The following COMMD8 variants were observed in gnomAD, a reference collection of about 807,000 sequenced individuals.
COMMD8 encodes COMM domain-containing protein 8.
COMMD8 carries 28 observed loss-of-function variants against 27.2 expected under a neutral mutation model. The ratio of observed to expected loss-of-function variants is 1.03; its 90% CI spans 0.76 to 1.41. The LOEUF (loss-of-function observed/expected upper bound fraction) is 1.41. COMMD8 is among the 40% of genes most tolerant of loss of function. The pLI, the probability that COMMD8 is intolerant of heterozygous loss-of-function variation, is 0.00. For missense variants in COMMD8, 217 were observed against 211.2 expected (o/e 1.03, Z -0.17); for synonymous variants, 79 against 75.5 (o/e 1.05, Z -0.24).
intron 2 of COMMD8, among the ~76,000 whole-genome samples, chr4:47,459,254 G>A (rs141686893): frequency 2.0e-5 from 3 of 152,170 alleles, no homozygotes; most frequent in African/African-American, 2.4e-5. Flanking sequence ...TTCTAACAAT[G>A]AGCTTATATC....
intron 1 of COMMD8, among the ~76,000 whole-genome samples, chr4:47,462,613 T>C (rs1021109456): frequency 6.6e-6 from 1 of 152,098 alleles, no homozygotes; most frequent in Non-Finnish European, 1.5e-5. Flanking sequence ...CATCGACATA[T>C]ATGGTAATAA....
intron 3 of COMMD8, among the ~76,000 whole-genome samples, chr4:47,456,262 T>TTATATA (rs1553886649): frequency 5.6e-4 from 45 of 80,850 alleles, no homozygotes; most frequent in African/African-American, 1.7e-3. Context: ...AATAAATAAA[T>TTATATA]TATACATATA....
At chr4:47,462,040 C>A (rs78776476) in intron 1 of COMMD8, among the ~76,000 whole-genome samples, 3,946 of 151,862 alleles carry the variant, frequency 0.026, 174 homozygotes, top group African/African-American at 0.091. Flanking sequence ...TTGGGGGGTG[C>A]CTAGGGGGTG....
Position 47,451,651 on chromosome 4 carries a change from C to T in COMMD8, c.546G>A (p.Leu182=), listed in dbSNP as rs769427357. 6.3e-7 allele frequency: 1 copy of T among 1,586,530 alleles called. No homozygotes were observed. The highest frequency in any genetic ancestry group is 1.1e-5 in the South Asian group (1 of 87,190). Residue 182 remains leucine (L), a synonymous_variant, in exon 5 of 5, where the codon TTG becomes TTA. Transcript: ENST00000381571. ...LEAANKVVLQ[L]K ...TGGTATTCATCATTTCCAGTTATTTCAACTGCAGGACCACCTTAAAACACA... is the reference window on the plus strand; with the variant it reads ...TGGTATTCATCATTTCCAGTTATTTTAACTGCAGGACCACCTTAAAACACA...
intron 2 of COMMD8, among the ~76,000 whole-genome samples, chr4:47,458,634 A>C (rs968872699): frequency 5.3e-5 from 8 of 152,124 alleles, no homozygotes; most frequent in African/African-American, 1.9e-4. Flanking sequence ...ATCTCTATCA[A>C]AATTCCAGCA....
chr4:47,459,749 C>A, intron 2 of COMMD8: 1 of 157,962 alleles, frequency 6.3e-6, no homozygotes, highest in Non-Finnish European at 1.4e-5. Flanking sequence ...TAATACAAAA[C>A]ATGAACACCA....
intron 2 of COMMD8, 175 bp downstream of exon 2, chr4:47,459,969 A>G (rs1418884369): frequency 8.2e-6 from 4 of 484,926 alleles, no homozygotes; most frequent in Non-Finnish European, 1.4e-5. Context: ...AAAGAGTAAA[A>G]ACAACCAAAA....
At chr4:47,461,582 T>C (rs544848271) in intron 1 of COMMD8, among the ~76,000 whole-genome samples, 2 of 152,322 alleles carry the variant, frequency 1.3e-5, no homozygotes, top group East Asian at 3.9e-4. Context: ...AATATGTTTG[T>C]TATTCATTCA....
chr4:47,455,902 T>C (rs1219358078), intron 3 of COMMD8, among the ~76,000 whole-genome samples: 2 of 152,168 alleles, frequency 1.3e-5, no homozygotes, highest in African/African-American at 4.8e-5. Context: ...AGAGGTAGAA[T>C]CACATTTACC....
intron 4 of COMMD8, 88 bp downstream of exon 4, chr4:47,452,971 T>C: frequency 3.3e-6 from 4 of 1,198,306 alleles, no homozygotes; most frequent in Non-Finnish European, 4.7e-6. Context: ...CCCTCCAGCC[T>C]GGGTGACAGA....
At chr4:47,462,517 G>A (rs929876612) in intron 1 of COMMD8, among the ~76,000 whole-genome samples, 3 of 152,134 alleles carry the variant, frequency 2.0e-5, no homozygotes, top group African/African-American at 7.2e-5. Flanking sequence ...TTGGTTTGGG[G>A]TTTTTGGGGT....
chr4:47,453,296 C>G, intron 3 of COMMD8, 82 bp from the exon 4 acceptor site: 3 of 1,165,858 alleles, frequency 2.6e-6, no homozygotes, highest in Non-Finnish European at 3.6e-6. Context: ...GTTAGCAGTA[C>G]ATTTTTTAAA....
intron 2 of COMMD8, among the ~76,000 whole-genome samples, chr4:47,459,552 C>G (rs139827714): frequency 0.012 from 1,782 of 152,146 alleles, 12 homozygotes; most frequent in Non-Finnish European, 0.018. Flanking sequence ...CTATTTAATT[C>G]CTATCATCAA....
chr4:47,454,038 C>G (rs1729824754), intron 3 of COMMD8, among the ~76,000 whole-genome samples: 1 of 152,192 alleles, frequency 6.6e-6, no homozygotes, highest in African/African-American at 2.4e-5. Flanking sequence ...CACCCAAAAA[C>G]AGGACCCATA....
chr4:47,462,092 A>G (rs1016408310), intron 1 of COMMD8, among the ~76,000 whole-genome samples: 3 of 152,148 alleles, frequency 2.0e-5, no homozygotes, highest in African/African-American at 7.2e-5. Context: ...CCAAATCAAA[A>G]AGGGCCTTGT....
In COMMD8 at chr4:47,456,717, A is replaced by T; in HGVS notation, c.235T>A (p.Leu79Met). The T allele has an allele frequency of 6.3e-7, 1 of 1,578,514 alleles. No individual in the cohort carries two copies. The highest frequency in any genetic ancestry group is 8.6e-7 in the Non-Finnish European group (1 of 1,167,274). ...NLPDEEIFQQLNQLNSLHQET... is the reference protein window; with the variant it reads ...NLPDEEIFQQMNQLNSLHQET... ...TGATGAAGTGAATTCAACTGATTCAACTGCTGAAATATCTATAAAAATAAA... is the reference window on the plus strand; with the variant it reads ...TGATGAAGTGAATTCAACTGATTCATCTGCTGAAATATCTATAAAAATAAA... The change falls in exon 3 of 5, where the codon TTG (leucine) becomes ATG (methionine). Residue 79 changes from leucine (L) to methionine (M), a missense_variant. Leu to Met is a conservative substitution (Grantham distance 15). Coordinates refer to ENST00000381571, the MANE Select transcript of COMMD8 (RefSeq NM_017845.5).
At position 47,451,585 on chromosome 4, in the gene COMMD8, CA is replaced by C. The variant is rs1729753199; in HGVS notation, c.*59del. ...ACAAGGTTTCTGAACACGCAGTATT[CA>C]CTCTGCCATATAAGTTGGAGCAATA... is the stretch of plus-strand genomic sequence containing the variant. On this transcript the variant is annotated 3_prime_UTR_variant, in exon 5 of 5. Transcript: ENST00000381571. 1 of 1,332,258 alleles carries C rather than the reference CA, an allele frequency of 7.5e-7. No homozygotes were observed. Among genetic ancestry groups the C allele is most frequent in the Admixed American group, 1.7e-5 (1 of 57,228 alleles). 82.5% of individuals were successfully genotyped at this position (1,332,258 alleles called of 1,614,324 possible).
At chr4:47,451,825 G>A (rs781757179) in intron 4 of COMMD8, among the ~76,000 whole-genome samples, 160 bp from the exon 5 acceptor site, 1 of 152,158 alleles carries the variant, frequency 6.6e-6, no homozygotes, top group Non-Finnish European at 1.5e-5. Context: ...TGGAATCTAC[G>A]GTTCAGAATC....
chr4:47,460,220 T>G lies in COMMD8; in HGVS notation c.146A>C (p.Glu49Ala). ...YQDYHTVWES[E>A]EWMHVLEDIA... ...ATCTTCTAAAACGTGCATCCATTCT[T>G]CTGATTCCCAAACAGTGTGATAATC... Residue 49 changes from glutamate (E) to alanine (A), a missense_variant, in exon 2 of 5, where the codon GAA becomes GCA. Transcript: ENST00000381571. 1 of 1,613,608 alleles carries G rather than the reference T, an allele frequency of 6.2e-7. No individual in the cohort carries two copies.
Sources: gnomAD v4.1 joint callset for allele counts (sites outside exome capture counted in the v4.1 genomes callset) on GRCh38, gnomAD v4.1.1 for gene constraint, MANE v1.5 for transcripts, NCBI Gene and HGNC (gene_info 2026-07-23, HGNC 2026-07-21) for gene names.